Variants in GUCY1A2 observed in about 807,000 individuals in gnomAD.
The protein encoded by GUCY1A2 is guanylate cyclase 1 soluble subunit alpha 2, also known as guanylate cyclase soluble subunit alpha-2.
A neutral mutation model predicts 63.5 loss-of-function variants in GUCY1A2; 27 were observed. The observed-to-expected ratio is 0.43, with a 90% CI of 0.31 to 0.59. The LOEUF (loss-of-function observed/expected upper bound fraction) is 0.59, where lower values mean the gene tolerates loss of function less well. GUCY1A2 is among the 20% of genes least tolerant of loss of function. The pLI is 0.11. For missense variants in GUCY1A2, 768 were observed against 913.3 expected (o/e 0.84, Z 2.05); for synonymous variants, 364 against 343.5 (o/e 1.06, Z -0.66).
intron 3 of GUCY1A2, among the ~76,000 whole-genome samples, chr11:106,956,983 G>C (rs1356546609): frequency 6.6e-6 from 1 of 152,170 alleles, no homozygotes; most frequent in Non-Finnish European, 1.5e-5. Context: ...TCTAGCTGGA[G>C]TTATTGGAGA....
chr11:106,987,054 A>G (rs1861410745), intron 1 of GUCY1A2, among the ~76,000 whole-genome samples: 1 of 152,206 alleles, frequency 6.6e-6, no homozygotes, highest in Non-Finnish European at 1.5e-5. Context: ...AGAAGAACCA[A>G]GTTCTCAGTA....
At chr11:106,937,607 T>C (rs2119968046) in intron 4 of GUCY1A2, among the ~76,000 whole-genome samples, 1 of 152,214 alleles carries the variant, frequency 6.6e-6, no homozygotes, top group East Asian at 1.9e-4. Flanking sequence ...ATTCCCTAAA[T>C]TAAAGAGAAA....
At chr11:106,814,141 G>A (rs1262547452) in intron 4 of GUCY1A2, among the ~76,000 whole-genome samples, 1 of 152,004 alleles carries the variant, frequency 6.6e-6, no homozygotes, top group African/African-American at 2.4e-5. Flanking sequence ...TGTTCACAAT[G>A]GGCAGTTGAA....
At chr11:107,003,570 C>T (rs1294990199) in intron 1 of GUCY1A2, among the ~76,000 whole-genome samples, 2 of 152,144 alleles carry the variant, frequency 1.3e-5, no homozygotes, top group African/African-American at 4.8e-5. Flanking sequence ...TATCTTCAAT[C>T]CTCTATTTAT....
chr11:106,898,106 A>G (rs998180752), intron 4 of GUCY1A2, among the ~76,000 whole-genome samples: 3 of 152,212 alleles, frequency 2.0e-5, no homozygotes, highest in Non-Finnish European at 2.9e-5. Context: ...GTTCCACATC[A>G]TATGGCATCA....
At chr11:106,811,209 G>T (rs1169930698) in intron 4 of GUCY1A2, among the ~76,000 whole-genome samples, 1 of 152,048 alleles carries the variant, frequency 6.6e-6, no homozygotes, top group South Asian at 2.1e-4. Context: ...TCTTTTCTAT[G>T]CCCTTTCACT....
Position 106,810,051 on chromosome 11 carries a change from A to G in GUCY1A2, c.1634T>C (p.Met545Thr). 6.2e-7 allele frequency: 1 copy of G among 1,612,720 alleles called. No individual in the cohort carries two copies. The highest frequency in any genetic ancestry group is 8.5e-7 in the Non-Finnish European group (1 of 1,178,756). Residue 545 changes from methionine to threonine, a missense_variant, in exon 5 of 8, where the codon ATG becomes ACG. Met to Thr is a moderately conservative substitution (Grantham distance 81). This residue lies in a region of GUCY1A2 where 122 missense variants were observed against 238.1 expected (regional missense o/e 0.51). Coordinates refer to ENST00000526355, the MANE Select transcript of GUCY1A2 (RefSeq NM_000855.3). ...AQCTPMQVIS[M>T]LNELYTRFDH... ...AAATCTGGTGTACAGTTCATTCAGC[A>G]TGCTGATTACTTGCATGGGAGTACA... is the stretch of plus-strand genomic sequence containing the variant.
intron 5 of GUCY1A2, among the ~76,000 whole-genome samples, chr11:106,799,369 C>G (rs1864827361): frequency 6.6e-6 from 1 of 152,194 alleles, no homozygotes; most frequent in South Asian, 2.1e-4. Context: ...CTACCAATGA[C>G]TTTCTTCACA....
intron 4 of GUCY1A2, among the ~76,000 whole-genome samples, chr11:106,877,924 T>C (rs533221511): frequency 1.3e-4 from 19 of 151,220 alleles, no homozygotes; most frequent in African/African-American, 4.4e-4. Context: ...TTAAACAAAC[T>C]TACAAGAAAG....
intron 5 of GUCY1A2, among the ~76,000 whole-genome samples, chr11:106,786,724 G>A (rs1408875245): frequency 6.6e-6 from 1 of 151,948 alleles, no homozygotes; most frequent in African/African-American, 2.4e-5. Context: ...TCAACACTAG[G>A]GCTCCAGTTT....
At chr11:106,916,317 TTATCAGTC>T (rs1327165943) in intron 4 of GUCY1A2, among the ~76,000 whole-genome samples, 1 of 145,530 alleles carries the variant, frequency 6.9e-6, no homozygotes, top group Admixed American at 6.9e-5. Context: ...GGGTTGCAGA[TTATCAGTC>T]TATCAGTCTA....
At chr11:106,925,278 G>T (rs993319946) in intron 4 of GUCY1A2, among the ~76,000 whole-genome samples, 1 of 152,080 alleles carries the variant, frequency 6.6e-6, no homozygotes, top group African/African-American at 2.4e-5. Context: ...TTTAAACTTT[G>T]ATAAACTGTA....
At chr11:106,897,317 A>G (rs913841782) in intron 4 of GUCY1A2, among the ~76,000 whole-genome samples, 4 of 152,150 alleles carry the variant, frequency 2.6e-5, no homozygotes, top group Admixed American at 6.5e-5. Flanking sequence ...AAATCCCAGC[A>G]AACTATTTTG....
intron 6 of GUCY1A2, among the ~76,000 whole-genome samples, chr11:106,736,387 G>A (rs1023162066): frequency 1.3e-5 from 2 of 152,114 alleles, no homozygotes; most frequent in South Asian, 4.2e-4. Flanking sequence ...TTGAAGAGAC[G>A]ATCCTTTCCT....
At chr11:106,950,112 G>A (rs1395437056) in intron 3 of GUCY1A2, among the ~76,000 whole-genome samples, 1 of 152,188 alleles carries the variant, frequency 6.6e-6, no homozygotes, top group Non-Finnish European at 1.5e-5. Context: ...CTTATTGTTT[G>A]ACAAATTCTT....
chr11:106,975,116 C>A (rs1026311726), intron 3 of GUCY1A2, among the ~76,000 whole-genome samples: 3 of 152,082 alleles, frequency 2.0e-5, no homozygotes, highest in Non-Finnish European at 4.4e-5. Context: ...ATAGTCATAA[C>A]CTCATTTATA....
intron 5 of GUCY1A2, among the ~76,000 whole-genome samples, chr11:106,797,072 A>G (rs1864777287): frequency 6.6e-6 from 1 of 152,084 alleles, no homozygotes. Context: ...CAAATTGGCT[A>G]CTGAAGCTTA....
At chr11:106,737,337 T>C (rs1863608079) in intron 6 of GUCY1A2, among the ~76,000 whole-genome samples, 1 of 152,176 alleles carries the variant, frequency 6.6e-6, no homozygotes, top group African/African-American at 2.4e-5. Context: ...TTTGAGGTTT[T>C]TGATTACTTC....
intron 3 of GUCY1A2, among the ~76,000 whole-genome samples, chr11:106,970,386 AT>A (rs1861178635): frequency 6.6e-6 from 1 of 152,224 alleles, no homozygotes; most frequent in Non-Finnish European, 1.5e-5. Flanking sequence ...TCACTAATAA[AT>A]TTTTAAGCAG....
Sources: gnomAD v4.1 joint callset for allele counts (sites outside exome capture counted in the v4.1 genomes callset) on GRCh38, gnomAD v4.1.1 for gene constraint, gnomAD v4.1.1 regional missense constraint, MANE v1.5 for transcripts, NCBI Gene and HGNC (gene_info 2026-07-23, HGNC 2026-07-21) for gene names.